Variants in ABCC3 observed in about 807,000 individuals in gnomAD.
ABCC3 encodes the protein ATP-binding cassette sub-family C member 3.
ABCC3 carries 121 observed loss-of-function variants against 165.3 expected under a neutral mutation model. The observed-to-expected ratio is 0.73, with a 90% CI of 0.63 to 0.85. The LOEUF is 0.85. ABCC3 is among the 40% of genes least tolerant of loss of function. The pLI is 0.00. For missense variants in ABCC3, 1,869 were observed against 1,964.1 expected (o/e 0.95, Z 0.92); for synonymous variants, 733 against 810.1 (o/e 0.90, Z 1.62).
intron 30 of ABCC3, among the ~76,000 whole-genome samples, chr17:50,688,899 T>A: frequency 7.5e-6 from 1 of 133,900 alleles, no homozygotes; most frequent in South Asian, 2.4e-4. Context: ...TGAGACGTTG[T>A]CTCAAAAAAA....
intron 19 of ABCC3, among the ~76,000 whole-genome samples, chr17:50,673,973 T>TTTCTTTCTTTCCTTCCTTCC: frequency 6.1e-5 from 1 of 16,366 alleles, no homozygotes; most frequent in Admixed American, 9.5e-4. Context: ...TCTTTCTTTC[T>TTTCTTTCTTTCCTTCCTTCC]TTCTTTCTCT....
intron 11 of ABCC3, among the ~76,000 whole-genome samples, chr17:50,666,308 C>T (rs941790177): frequency 2.0e-5 from 3 of 152,090 alleles, no homozygotes; most frequent in African/African-American, 7.2e-5. Flanking sequence ...CCCGTCTCTA[C>T]TAAAAATACA....
intron 4 of ABCC3, 80 bp from the exon 5 acceptor site, chr17:50,658,002 C>T: frequency 1.9e-6 from 3 of 1,600,022 alleles, no homozygotes; most frequent in Non-Finnish European, 2.6e-6. Context: ...GAGACTGATG[C>T]CCCAAGGGAC....
At chr17:50,653,745 C>A (rs1449329354) in intron 1 of ABCC3, among the ~76,000 whole-genome samples, 1 of 143,608 alleles carries the variant, frequency 7.0e-6, no homozygotes, top group Non-Finnish European at 1.5e-5. Flanking sequence ...AAGAGTGAAA[C>A]GCCATCTCAA....
Position 50,687,714 on chromosome 17 carries a change from A to G in ABCC3, c.4459A>G (p.Ile1487Val), listed in dbSNP as rs763617056. 3.1e-6 allele frequency: 5 copies of G among 1,613,900 alleles called. No individual in the cohort carries two copies. The highest frequency in any genetic ancestry group is 2.2e-5 in the East Asian group (1 of 44,896). ...GACCATCGCACACCGGCTTAACACT[A>G]TCATGGACTACACCAGGTGGGACAC... Reference protein sequence around the residue: ...VLTIAHRLNTIMDYTRVLVLD... With the variant: ...VLTIAHRLNTVMDYTRVLVLD... Residue 1487 changes from isoleucine to valine, a missense_variant, in exon 30 of 31, where the codon ATC (isoleucine) becomes GTC (valine). Physicochemically the swap from Ile to Val is conservative, Grantham distance 29 (BLOSUM62 3). Coordinates refer to ENST00000285238, the MANE Select transcript of ABCC3 (RefSeq NM_003786.4).
chr17:50,645,235 G>A (rs1398472732), intron 1 of ABCC3, among the ~76,000 whole-genome samples: 1 of 150,212 alleles, frequency 6.7e-6, no homozygotes, highest in African/African-American at 2.4e-5. Flanking sequence ...TTAACCAGCC[G>A]TGGTGGTGCA....
At chr17:50,679,505 C>T (rs369471025) in intron 25 of ABCC3, 1 of 215,662 alleles carries the variant, frequency 4.6e-6, no homozygotes, top group Admixed American at 5.5e-5. Context: ...CTACAGAATC[C>T]GGCGTTGCAT....
Position 50,676,440 on chromosome 17 carries a change from A to G in ABCC3, c.3230A>G (p.Tyr1077Cys), listed in dbSNP as rs764271392. ...CTGAACTGCTTCTCCAAGGACATCTATGTCGTTGATGAGGTTCTGGCCCCT... is the reference window on the plus strand; with the variant it reads ...CTGAACTGCTTCTCCAAGGACATCTGTGTCGTTGATGAGGTTCTGGCCCCT... Reference protein sequence around the residue: ...RILNCFSKDIYVVDEVLAPVI... With the variant: ...RILNCFSKDICVVDEVLAPVI... Residue 1077 changes from tyrosine to cysteine, a missense_variant, in exon 23 of 31, where the codon TAT (tyrosine) becomes TGT (cysteine). Transcript: ENST00000285238. 3.7e-6 allele frequency: 6 copies of G among 1,614,132 alleles called. No homozygotes were observed. The highest frequency in any genetic ancestry group is 5.1e-6 in the Non-Finnish European group (6 of 1,180,022).
At chr17:50,679,136 G>C (rs1397092794) in intron 25 of ABCC3, 3 of 152,262 alleles carry the variant, frequency 2.0e-5, no homozygotes, top group Admixed American at 2.0e-4. Context: ...CTGAAGCCTG[G>C]TCTGCAGGTC....
chr17:50,660,854 G>T (rs1287351452), intron 7 of ABCC3, 69 bp from the exon 8 acceptor site: 5 of 1,439,980 alleles, frequency 3.5e-6, no homozygotes, highest in Non-Finnish European at 4.7e-6. Flanking sequence ...AGCCAGCCCA[G>T]CCTAGCCCTT....
rs368013588 is a variant in ABCC3 at position 50,639,802 on chromosome 17, C to T, written c.45+4821C>T. On this transcript the variant is annotated intron_variant, in intron 1 of 30. Coordinates refer to ENST00000285238, the MANE Select transcript of ABCC3 (RefSeq NM_003786.4). ...TTTTTGTGACAGAGTCTTGCTCTGT[C>T]GCCCAGGCTGAAGTGCAGTAGCACA... Among the ~76,000 whole-genome samples, 14 of 150,182 alleles carry T rather than the reference C, an allele frequency of 9.3e-5. No individual in the cohort carries two copies. In the East Asian group the frequency reaches 1.4e-3, roughly 15 times the overall value.
chr17:50,673,007 A>G lies in ABCC3; in HGVS notation c.2278A>G (p.Ser760Gly). 6.2e-7 allele frequency: 1 copy of G among 1,614,062 alleles called. No homozygotes were observed. Among genetic ancestry groups the G allele is most frequent in the Non-Finnish European group, 8.5e-7 (1 of 1,180,014 alleles). Residue 760 changes from serine to glycine, a missense_variant, in exon 18 of 31, where the codon AGT (serine) becomes GGT (glycine). Ser to Gly is a moderately conservative substitution (Grantham distance 56, BLOSUM62 0). Coordinates refer to ENST00000285238, the MANE Select transcript of ABCC3 (RefSeq NM_003786.4). ...GTCTGGGGGCCAGCGGCAGCGGGTC[A>G]GTCTGGCTCGAGCTGTTTACAGTGA... ...NLSGGQRQRV[S>G]LARAVYSDAD... is the part of the protein sequence containing the mutation.
At chr17:50,661,362 T>A (rs1277132818) in intron 8 of ABCC3, among the ~76,000 whole-genome samples, 2 of 152,182 alleles carry the variant, frequency 1.3e-5, no homozygotes, top group Non-Finnish European at 2.9e-5. Flanking sequence ...AAGCATTGGG[T>A]CTTTAAATCT....
intron 29 of ABCC3, among the ~76,000 whole-genome samples, chr17:50,686,286 G>A (rs1968020215): frequency 6.6e-6 from 1 of 152,180 alleles, no homozygotes; most frequent in Non-Finnish European, 1.5e-5. Flanking sequence ...TGGTCCTGTG[G>A]GCCAGAAACG....
intron 1 of ABCC3, among the ~76,000 whole-genome samples, chr17:50,648,810 G>A (rs1967054451): frequency 6.6e-6 from 1 of 152,122 alleles, no homozygotes; most frequent in Non-Finnish European, 1.5e-5. Context: ...TATTGAGACA[G>A]CCAAGCCGCA....
At chr17:50,663,307 G>T (rs1967435084) in intron 8 of ABCC3, 1 of 244,934 alleles carries the variant, frequency 4.1e-6, no homozygotes, top group Non-Finnish European at 8.0e-6. Flanking sequence ...GTGGTCATGT[G>T]GCGGAATCTA....
chr17:50,684,877 T>C lies in ABCC3; in HGVS notation c.4280+2T>C. ...CTCAGAGGGCGGGGAGAATCTCAGGTAAACACTGGGAGTGCAGAGGTCAGG... is the reference window on the plus strand; with the variant it reads ...CTCAGAGGGCGGGGAGAATCTCAGGCAAACACTGGGAGTGCAGAGGTCAGG... On this transcript the variant is annotated splice_donor_variant, in intron 29 of 30. Transcript: ENST00000285238. LOFTEE classifies it high-confidence loss of function. 1 of 1,613,702 alleles carries C rather than the reference T, an allele frequency of 6.2e-7. No homozygotes were observed. The highest frequency in any genetic ancestry group is 8.5e-7 in the Non-Finnish European group (1 of 1,179,910).
intron 7 of ABCC3, among the ~76,000 whole-genome samples, chr17:50,660,008 G>A (rs371299140): frequency 2.0e-5 from 3 of 152,228 alleles, no homozygotes; most frequent in East Asian, 3.9e-4. Context: ...AACAGATGGA[G>A]ACACCGAAGC....
At chr17:50,673,962 T>TTCTTTC (rs1404097585) in intron 19 of ABCC3, among the ~76,000 whole-genome samples, 1 of 20,692 alleles carries the variant, frequency 4.8e-5, no homozygotes, top group Non-Finnish European at 8.7e-5. Flanking sequence ...CTTTCTTTCT[T>TTCTTTC]TCTTTCTTTC....
Sources: gnomAD v4.1 joint callset for allele counts (sites outside exome capture counted in the v4.1 genomes callset) on GRCh38, gnomAD v4.1.1 for gene constraint, MANE v1.5 for transcripts, NCBI Gene and HGNC (gene_info 2026-07-23, HGNC 2026-07-21) for gene names.